Variants in DOCK2 observed in about 807,000 individuals in gnomAD.
DOCK2 encodes dedicator of cytokinesis 2, also known as dedicator of cytokinesis protein 2.
DOCK2 carries 87 observed loss-of-function variants against 248.9 expected under a neutral mutation model. The observed-to-expected ratio is 0.35, with a 90% CI of 0.29 to 0.42. The LOEUF (loss-of-function observed/expected upper bound fraction) is 0.42, where lower values mean the gene tolerates loss of function less well. DOCK2 is among the 10% of genes least tolerant of loss of function. The pLI, the probability that DOCK2 is intolerant of heterozygous loss-of-function variation, is 1.00. For missense variants in DOCK2, 1,747 were observed against 2,300.2 expected (o/e 0.76, Z 4.92); for synonymous variants, 805 against 821.6 (o/e 0.98, Z 0.35).
chr5:170,056,187 C>T (rs1354795502), intron 42 of DOCK2, among the ~76,000 whole-genome samples: 3 of 152,220 alleles, frequency 2.0e-5, no homozygotes, highest in African/African-American at 7.2e-5. Context: ...CTCACCTTCT[C>T]ACCTTCTCAG....
chr5:169,698,394 A>G lies in DOCK2; in HGVS notation c.1000A>G (p.Ile334Val), dbSNP rs775280042. 1 of 1,614,084 alleles carries G rather than the reference A, an allele frequency of 6.2e-7. No individual in the cohort carries two copies. Among genetic ancestry groups the G allele is most frequent in the South Asian group, 1.1e-5 (1 of 91,082 alleles). ...GVAVMDITDIIKGKAESDEEK... is the reference protein window; with the variant it reads ...GVAVMDITDIVKGKAESDEEK... The stretch of plus-strand genomic sequence containing the variant: ...TCTAGTTATGGATATAACAGACATC[A>G]TCAAGGGGAAAGCAGAGAGTGATGA... The change falls in exon 11 of 52, where the codon ATC (isoleucine) becomes GTC (valine). Residue 334 changes from isoleucine to valine, a missense_variant. By Grantham distance (29) the Ile-to-Val change is conservative. Coordinates refer to ENST00000520908, the MANE Select transcript of DOCK2 (RefSeq NM_004946.3).
chr5:169,778,543 C>T (rs776604510), intron 25 of DOCK2, among the ~76,000 whole-genome samples: 10 of 152,212 alleles, frequency 6.6e-5, no homozygotes, highest in Non-Finnish European at 1.3e-4. Flanking sequence ...GGGGCAGCTC[C>T]TGCTACCTTA....
At chr5:170,000,670 C>T (rs758107442) in intron 30 of DOCK2, among the ~76,000 whole-genome samples, 2 of 151,908 alleles carry the variant, frequency 1.3e-5, no homozygotes, top group African/African-American at 2.4e-5. Flanking sequence ...TATACTTGGG[C>T]TCCAGAAAGA....
chr5:169,647,371 G>A (rs1038071245), intron 1 of DOCK2, among the ~76,000 whole-genome samples: 1 of 152,092 alleles, frequency 6.6e-6, no homozygotes, highest in Non-Finnish European at 1.5e-5. Flanking sequence ...GATGAGTGGA[G>A]GGGGAGGAGG....
chr5:170,033,677 C>T (rs746998583), intron 34 of DOCK2, among the ~76,000 whole-genome samples: 4 of 152,172 alleles, frequency 2.6e-5, no homozygotes, highest in Non-Finnish European at 4.4e-5. Context: ...TACAAAAGTC[C>T]CATCTCATAA....
chr5:170,081,756 C>G, intron 50 of DOCK2, 86 bp from the exon 51 acceptor site: 1 of 1,282,466 alleles, frequency 7.8e-7, no homozygotes, highest in Non-Finnish European at 1.0e-6. Context: ...TGGCTCTGTC[C>G]CCCAGCCCTC....
At chr5:169,847,522 A>AT (rs1770387684) in intron 27 of DOCK2, among the ~76,000 whole-genome samples, 1 of 152,250 alleles carries the variant, frequency 6.6e-6, no homozygotes, top group African/African-American at 2.4e-5. Context: ...CTTTCTGCAG[A>AT]TAATTGGCTA....
chr5:169,702,888 C>G (rs1419806174), intron 14 of DOCK2, among the ~76,000 whole-genome samples: 1 of 152,078 alleles, frequency 6.6e-6, no homozygotes, highest in Non-Finnish European at 1.5e-5. Flanking sequence ...AACACTTAAT[C>G]TAACTCCCCA....
chr5:169,652,608 G>C (rs925596395), intron 1 of DOCK2, among the ~76,000 whole-genome samples: 2 of 152,206 alleles, frequency 1.3e-5, no homozygotes, highest in Non-Finnish European at 2.9e-5. Context: ...GAGGCAGAGA[G>C]GTGAAGTCAC....
chr5:169,765,393 A>G (rs780280692), intron 25 of DOCK2, among the ~76,000 whole-genome samples: 20 of 152,184 alleles, frequency 1.3e-4, no homozygotes, highest in Non-Finnish European at 2.9e-4. Flanking sequence ...AGAACTGAGA[A>G]ACTTACAAAC....
chr5:170,009,256 T>G (rs944381858), intron 32 of DOCK2, among the ~76,000 whole-genome samples: 11 of 152,006 alleles, frequency 7.2e-5, no homozygotes, highest in African/African-American at 2.7e-4. Context: ...ATGATACCTG[T>G]GGAGGGAGAG....
rs565572927 is a variant in DOCK2, at chr5:169,813,621, G to C, written c.2703+10415G>C. Among the ~76,000 whole-genome samples, 32 of 152,272 alleles carry C rather than the reference G, an allele frequency of 2.1e-4. No individual in the cohort carries two copies. In the Middle Eastern group the frequency reaches 0.014, roughly 65 times the overall value. ...GACCCTAAATCTGCCACCCTTTAAG[G>C]GTTCTCAAGGGACTTGGCAAAGCCA... On this transcript the variant is annotated intron_variant, in intron 26 of 51. Coordinates refer to ENST00000520908, the MANE Select transcript of DOCK2 (RefSeq NM_004946.3).
rs1361829177 is a variant in DOCK2, at chr5:169,704,757, ATATG to A, written c.1383+2332_1383+2335del. Among the ~76,000 whole-genome samples, 16 of 118,376 alleles carry A rather than the reference ATATG, an allele frequency of 1.4e-4. No individual in the cohort carries two copies. In the East Asian group the frequency reaches 2.1e-3, roughly 16 times the overall value. 77.7% of individuals were successfully genotyped at this position (118,376 alleles called of 152,430 possible). A position where few individuals can be genotyped will look rare whatever the true frequency, so the allele number is the denominator to read the frequency against. On this transcript the variant is annotated intron_variant, in intron 14 of 51. Coordinates refer to ENST00000520908, the MANE Select transcript of DOCK2 (RefSeq NM_004946.3). ...TCAAAACATCTCATTTACTCCATAT[ATATG>A]TGTGTGTGTGTGTGTGTGTGTGTGT...
intron 49 of DOCK2, 31 bp downstream of exon 49, chr5:170,079,177 C>T (rs147608896): frequency 1.7e-4 from 277 of 1,604,456 alleles, no homozygotes; most frequent in African/African-American, 1.5e-4. Flanking sequence ...GCCTCTCCAG[C>T]GCTGTTAGCA....
At chr5:169,948,694 G>A (rs545503847) in intron 27 of DOCK2, among the ~76,000 whole-genome samples, 3 of 150,300 alleles carry the variant, frequency 2.0e-5, no homozygotes, top group Admixed American at 2.0e-4. Flanking sequence ...GCTCACTGCA[G>A]TCTGGAACTT....
At chr5:169,932,226 G>T (rs777033450) in intron 27 of DOCK2, among the ~76,000 whole-genome samples, 42 of 152,150 alleles carry the variant, frequency 2.8e-4, no homozygotes, top group African/African-American at 8.7e-4. Context: ...GAGTAAGGAG[G>T]GTGGGTCCCT....
intron 27 of DOCK2, among the ~76,000 whole-genome samples, chr5:169,926,332 AC>A (rs1279717886): frequency 6.6e-6 from 1 of 152,150 alleles, no homozygotes; most frequent in Admixed American, 6.5e-5. Context: ...CACTGTTCTT[AC>A]TTTTGATGAA....
intron 25 of DOCK2, among the ~76,000 whole-genome samples, chr5:169,791,766 A>G (rs754249725): frequency 1.6e-4 from 25 of 152,208 alleles, no homozygotes; most frequent in Admixed American, 5.9e-4. Flanking sequence ...AATGGGGACA[A>G]TGCAATCCAT....
intron 27 of DOCK2, chr5:169,881,347 G>A (rs1341385628): frequency 2.6e-6 from 4 of 1,547,094 alleles, no homozygotes; most frequent in South Asian, 1.2e-5. Context: ...TACAGAGCAG[G>A]CCTCGCTTGT....
Sources: gnomAD v4.1 joint callset for allele counts (sites outside exome capture counted in the v4.1 genomes callset) on GRCh38, gnomAD v4.1.1 for gene constraint, MANE v1.5 for transcripts, NCBI Gene and HGNC (gene_info 2026-07-23, HGNC 2026-07-21) for gene names.